NYAP2: variants seen among roughly 807,000 people sequenced by gnomAD.
NYAP2 encodes neuronal tyrosine-phosphorylated phosphoinositide-3-kinase adapter 2.
NYAP2 carries 23 observed loss-of-function variants against 50.4 expected under a neutral mutation model. The observed-to-expected ratio is 0.46, with a 90% CI of 0.33 to 0.65. The LOEUF (loss-of-function observed/expected upper bound fraction) is 0.65, where lower values mean the gene tolerates loss of function less well. Ranked by LOEUF, NYAP2 falls within the 30% of genes least tolerant of loss-of-function variation. NYAP2 has a pLI of 0.02. For synonymous variants in NYAP2, 394 were observed against 365.2 expected (o/e 1.08, Z -0.90); for missense variants, 885 against 861.0 (o/e 1.03, Z -0.35).
chr2:225,437,662 G>A (rs1406195986), intron 3 of NYAP2, among the ~76,000 whole-genome samples: 1 of 152,240 alleles, frequency 6.6e-6, no homozygotes, highest in Non-Finnish European at 1.5e-5. Flanking sequence ...AAGTGTAAAT[G>A]AGGTCTTCTT....
At chr2:225,595,857 T>G (rs1692587875) in intron 5 of NYAP2, among the ~76,000 whole-genome samples, 1 of 152,156 alleles carries the variant, frequency 6.6e-6, no homozygotes, top group Non-Finnish European at 1.5e-5. Flanking sequence ...CCATTTCTTC[T>G]CCCTCATTCC....
chr2:225,585,559 A>G (rs967408119), intron 5 of NYAP2, among the ~76,000 whole-genome samples: 1 of 152,226 alleles, frequency 6.6e-6, no homozygotes, highest in African/African-American at 2.4e-5. Context: ...TTAGGGAGCC[A>G]AGGATTGAAT....
chr2:225,450,364 T>G (rs1689630563), intron 3 of NYAP2, among the ~76,000 whole-genome samples: 1 of 152,232 alleles, frequency 6.6e-6, no homozygotes, highest in Non-Finnish European at 1.5e-5. Context: ...CTGAAGAGAC[T>G]GATCTGGTCT....
exon 4 of NYAP2, chr2:225,513,543 A>G (rs1333472786): frequency 6.2e-7 from 1 of 1,612,036 alleles, no homozygotes; most frequent in East Asian, 2.2e-5. Flanking sequence ...CGATGACAGC[A>G]GCTGTGGCTC....
chr2:225,495,727 T>C (rs1690492515), intron 3 of NYAP2, among the ~76,000 whole-genome samples: 1 of 152,164 alleles, frequency 6.6e-6, no homozygotes, highest in Non-Finnish European at 1.5e-5. Flanking sequence ...GAAAATAAGA[T>C]TGAACATGTG....
rs949057464 is a variant in NYAP2, at chr2:225,634,560, CA to C, written c.1828+7443del. Reference sequence around the variant, plus strand: ...TGGATTTAATTTCATTTAAAGAAAACAAAAAAAAAGCCATTTCTTACACACT... The same window carrying C: ...TGGATTTAATTTCATTTAAAGAAAACAAAAAAAAGCCATTTCTTACACACT... On this transcript the variant is annotated intron_variant, in intron 6 of 6. Coordinates refer to ENST00000636099, the Ensembl canonical transcript of NYAP2. 3.4e-3 allele frequency among the ~76,000 whole-genome samples: 506 copies of C among 149,878 alleles called. 3 individuals are homozygous for C. Among genetic ancestry groups the C allele is most frequent in the Middle Eastern group, 0.01 (3 of 286 alleles).
intron 3 of NYAP2, among the ~76,000 whole-genome samples, chr2:225,456,673 C>T (rs957869194): frequency 1.3e-5 from 2 of 152,096 alleles, no homozygotes; most frequent in African/African-American, 4.8e-5. Flanking sequence ...GAGTTTTTAT[C>T]AGCTTTCACC....
At chr2:225,489,873 C>T (rs566357087) in intron 3 of NYAP2, among the ~76,000 whole-genome samples, 4 of 152,124 alleles carry the variant, frequency 2.6e-5, no homozygotes, top group Non-Finnish European at 5.9e-5. Context: ...CCAGCACCAG[C>T]GTTTTTTAAA....
intron 4 of NYAP2, among the ~76,000 whole-genome samples, chr2:225,534,588 G>T (rs1486784767): frequency 6.6e-6 from 1 of 152,090 alleles, no homozygotes; most frequent in African/African-American, 2.4e-5. Flanking sequence ...TCCAAAGCAA[G>T]GTAAAGAGAT....
intron 6 of NYAP2, among the ~76,000 whole-genome samples, chr2:225,638,360 G>C (rs1693463578): frequency 6.6e-6 from 1 of 152,238 alleles, no homozygotes; most frequent in South Asian, 2.1e-4. Flanking sequence ...CAGTTTGAGG[G>C]ATAGAGTGGA....
chr2:225,406,436 A>G (rs1178740534), intron 2 of NYAP2, among the ~76,000 whole-genome samples: 1 of 152,012 alleles, frequency 6.6e-6, no homozygotes, highest in Non-Finnish European at 1.5e-5. Context: ...AAGTCCACCT[A>G]AATCAACACT....
chr2:225,451,437 AGT>A (rs1268129119), intron 3 of NYAP2, among the ~76,000 whole-genome samples: 1 of 152,214 alleles, frequency 6.6e-6, no homozygotes, highest in Non-Finnish European at 1.5e-5. Flanking sequence ...AAAAAAACAA[AGT>A]GTTCTTAATT....
intron 3 of NYAP2, among the ~76,000 whole-genome samples, chr2:225,501,100 G>T (rs987931591): frequency 2.6e-5 from 4 of 152,258 alleles, no homozygotes; most frequent in Admixed American, 2.6e-4. Flanking sequence ...GAAGAGTATG[G>T]CATCTGCCAC....
intron 3 of NYAP2, among the ~76,000 whole-genome samples, chr2:225,452,652 A>G (rs1384044495): frequency 6.6e-6 from 1 of 152,218 alleles, no homozygotes; most frequent in Non-Finnish European, 1.5e-5. Flanking sequence ...ATTCTAAACT[A>G]AGCAACCCAA....
chr2:225,493,079 A>G (rs1690437069), intron 3 of NYAP2, among the ~76,000 whole-genome samples: 1 of 151,436 alleles, frequency 6.6e-6, no homozygotes, highest in Non-Finnish European at 1.5e-5. Flanking sequence ...CTTACCTCCC[A>G]GTTTCAAGGA....
intron 4 of NYAP2, among the ~76,000 whole-genome samples, chr2:225,517,372 A>G (rs1310073106): frequency 6.6e-6 from 1 of 152,142 alleles, no homozygotes; most frequent in Non-Finnish European, 1.5e-5. Flanking sequence ...CAGCAAAAGG[A>G]GGGAGTGTGC....
chr2:225,604,967 G>A (rs758192013), intron 5 of NYAP2, among the ~76,000 whole-genome samples: 3 of 152,066 alleles, frequency 2.0e-5, no homozygotes, highest in Non-Finnish European at 4.4e-5. Context: ...ATTAGTAACT[G>A]TGATTCCAGC....
intron 4 of NYAP2, among the ~76,000 whole-genome samples, chr2:225,526,803 G>T (rs1691159498): frequency 6.6e-6 from 1 of 152,162 alleles, no homozygotes; most frequent in African/African-American, 2.4e-5. Context: ...GCATTGGATA[G>T]TGTTCTAATG....
chr2:225,646,078 G>T (rs1693631000), intron 6 of NYAP2, among the ~76,000 whole-genome samples: 1 of 152,168 alleles, frequency 6.6e-6, no homozygotes, highest in Non-Finnish European at 1.5e-5. Context: ...TTTCATGATT[G>T]CTTGAGATAA....
Sources: allele counts gnomAD v4.1 joint callset (sites outside exome capture counted in the v4.1 genomes callset), GRCh38; gene constraint gnomAD v4.1.1; transcripts MANE v1.5; gene names NCBI Gene and HGNC (gene_info 2026-07-23, HGNC 2026-07-21).